NOP58: variants seen among roughly 807,000 people sequenced by gnomAD.
NOP58 encodes NOP58 ribonucleoprotein.
NOP58 carries 44 observed loss-of-function variants against 71.2 expected under a neutral mutation model. That is an observed-to-expected ratio of 0.62 (90% CI 0.49 to 0.79). The LOEUF is 0.79. Ranked by LOEUF, NOP58 falls within the 30% of genes least tolerant of loss-of-function variation. NOP58 has a pLI of 0.00. For missense variants in NOP58, 538 were observed against 620.2 expected, an observed-to-expected ratio of 0.87 and a Z score of 1.41; for synonymous variants, 228 against 200.3, an observed-to-expected ratio of 1.14 and a Z score of -1.17.
chr2:202,268,607 T>C (rs2105834673), intron 1 of NOP58, among the ~76,000 whole-genome samples: 1 of 151,552 alleles, frequency 6.6e-6, no homozygotes, highest in South Asian at 2.1e-4. Context: ...TTTTTGAAGT[T>C]TTTTGTTTTT....
At chr2:202,276,180 AAC>A (rs767893413) in intron 2 of NOP58, among the ~76,000 whole-genome samples, 17 of 151,926 alleles carry the variant, frequency 1.1e-4, no homozygotes, top group Non-Finnish European at 1.9e-4. Flanking sequence ...CTCTCCTAAA[AAC>A]ACAAAATTAG....
chr2:202,281,674 C>G (rs187147048), intron 3 of NOP58, among the ~76,000 whole-genome samples: 2 of 152,240 alleles, frequency 1.3e-5, no homozygotes, highest in Non-Finnish European at 2.9e-5. Flanking sequence ...ACCACCATGC[C>G]TGGGTAACCC....
intron 2 of NOP58, chr2:202,276,599 G>T: frequency 2.5e-6 from 1 of 396,940 alleles, no homozygotes; most frequent in Non-Finnish European, 5.3e-6. Context: ...CAGCATTTTG[G>T]GAGGCCAAGG....
chr2:202,291,287 G>T lies in NOP58; in HGVS notation c.780+17G>T. 1 of 1,587,712 alleles carries T rather than the reference G, an allele frequency of 6.3e-7. No homozygotes were observed. Among genetic ancestry groups the T allele is most frequent in the South Asian group, 1.2e-5 (1 of 85,742 alleles). On this transcript the variant is annotated intron_variant, in intron 8 of 14. Coordinates refer to ENST00000264279, the MANE Select transcript of NOP58 (RefSeq NM_015934.5). The stretch of plus-strand genomic sequence containing the variant: ...TGCACCCAGGTAAATTTTACTCCTG[G>T]AGAATCTAGTTGTGGTGTTACCAGC...
intron 3 of NOP58, chr2:202,278,347 A>G (rs1385817910): frequency 4.1e-6 from 2 of 482,012 alleles, no homozygotes; most frequent in African/African-American, 2.0e-5. Context: ...GGTCAAGTAT[A>G]CAGCTCTCTC....
chr2:202,287,318 G>A (rs1319785577), intron 5 of NOP58, among the ~76,000 whole-genome samples: 1 of 151,952 alleles, frequency 6.6e-6, no homozygotes, highest in African/African-American at 2.4e-5. Context: ...TGCCCACCTC[G>A]GCCTCCCAAA....
chr2:202,282,670 T>C (rs1688725511), intron 4 of NOP58, among the ~76,000 whole-genome samples, 198 bp downstream of exon 4: 1 of 152,158 alleles, frequency 6.6e-6, no homozygotes, highest in South Asian at 2.1e-4. Context: ...TTCTAGAAGA[T>C]ATAGAAGAAC....
Position 202,279,866 on chromosome 2 carries a change from T to C in NOP58, c.175+1864T>C, listed in dbSNP as rs1688671723. 1.3e-5 allele frequency among the ~76,000 whole-genome samples: 2 copies of C among 152,178 alleles called. 1 individual carries two copies. Among genetic ancestry groups the C allele is most frequent in the African/African-American group, 4.8e-5 (2 of 41,458 alleles). On this transcript the variant is annotated intron_variant, in intron 3 of 14. Transcript: ENST00000264279. ...ATAGTAGTTGAGAATTTAAAGTCAA[T>C]TCCCCCCAGTCTAAGCTCCATGAGG...
At chr2:202,272,214 C>T (rs1024106983) in intron 1 of NOP58, among the ~76,000 whole-genome samples, 2 of 141,472 alleles carry the variant, frequency 1.4e-5, no homozygotes, top group East Asian at 4.2e-4. Flanking sequence ...TGCAGTGGCG[C>T]GATCTCAGCT....
In NOP58 at chr2:202,293,250, A is replaced by G. The variant is rs1194808872; in HGVS notation, c.907+347A>G. Reference sequence around the variant, plus strand: ...ACTCACTAGACCTAGATTTGAATACAGTTTTAAGAAATCACTGTAGAGAAA... The same window carrying G: ...ACTCACTAGACCTAGATTTGAATACGGTTTTAAGAAATCACTGTAGAGAAA... On this transcript the variant is annotated intron_variant, in intron 9 of 14. Coordinates refer to ENST00000264279, the MANE Select transcript of NOP58 (RefSeq NM_015934.5). 1.0e-5 allele frequency: 4 copies of G among 394,140 alleles called. No individual in the cohort carries two copies. In the East Asian group the frequency reaches 2.6e-4, roughly 25 times the overall value. The allele number at this position is 394,140 out of a possible 1,614,324, so 24.4% of individuals were successfully genotyped here. A position where few individuals can be genotyped will look rare whatever the true frequency, so the allele number is the denominator to read the frequency against.
intron 1 of NOP58, among the ~76,000 whole-genome samples, chr2:202,271,338 C>T (rs1310512629): frequency 6.6e-6 from 1 of 150,768 alleles, no homozygotes; most frequent in African/African-American, 2.4e-5. Context: ...GGTAGATTGC[C>T]AGACCTCAGG....
intron 3 of NOP58, chr2:202,278,370 C>A: frequency 2.2e-6 from 1 of 455,028 alleles, no homozygotes; most frequent in East Asian, 6.9e-5. Flanking sequence ...CATTTTAATC[C>A]AAGGGTAGAG....
At chr2:202,277,295 A>G (rs951158221) in intron 2 of NOP58, among the ~76,000 whole-genome samples, 4 of 144,242 alleles carry the variant, frequency 2.8e-5, no homozygotes, top group African/African-American at 1.0e-4. Context: ...ACAGAGTGAG[A>G]CTCTGTCTCA....
Position 202,291,168 on chromosome 2 carries a change from G to T in NOP58, c.678G>T (p.Leu226=). 6.2e-7 allele frequency: 1 copy of T among 1,612,866 alleles called. No homozygotes were observed. The highest frequency in any genetic ancestry group is 8.5e-7 in the Non-Finnish European group (1 of 1,179,638). The change falls in exon 8 of 15, where the codon CTG becomes CTT. Residue 226 remains leucine, a synonymous_variant. Coordinates refer to ENST00000264279, the MANE Select transcript of NOP58 (RefSeq NM_015934.5). The part of the protein sequence containing the change: ...NYASAKLSEL[L]PEEVEAEVKA... ...CCTCTGCCAAGCTTTCTGAGTTGCT[G>T]CCAGAAGAAGTTGAAGCAGAAGTGA...
chr2:202,281,921 A>G (rs1353508796), intron 3 of NOP58, among the ~76,000 whole-genome samples: 1 of 152,218 alleles, frequency 6.6e-6, no homozygotes, highest in African/African-American at 2.4e-5. Context: ...CCTTCACTCA[A>G]ACATGTTTAT....
At chr2:202,274,208 A>G (rs1467020343) in intron 1 of NOP58, among the ~76,000 whole-genome samples, 1 of 152,044 alleles carries the variant, frequency 6.6e-6, no homozygotes, top group Admixed American at 6.6e-5. Flanking sequence ...TTGAAAGTAG[A>G]CAAAAGTTTT....
intron 11 of NOP58, 75 bp downstream of exon 11, chr2:202,297,588 C>G: frequency 7.0e-7 from 1 of 1,426,762 alleles, no homozygotes; most frequent in Admixed American, 2.0e-5. Flanking sequence ...TTATTAACTT[C>G]ATCTGCTAAA....
intron 4 of NOP58, among the ~76,000 whole-genome samples, chr2:202,283,720 T>A (rs1688745287): frequency 6.6e-6 from 1 of 151,912 alleles, no homozygotes; most frequent in Non-Finnish European, 1.5e-5. Context: ...ATTACAGGCG[T>A]GAGCCACCGC....
At chr2:202,289,557 C>G (rs1193671515) in intron 6 of NOP58, among the ~76,000 whole-genome samples, 3 of 152,186 alleles carry the variant, frequency 2.0e-5, no homozygotes, top group African/African-American at 7.2e-5. Flanking sequence ...TGCAAATACT[C>G]TGAAATACTT....
Sources: gnomAD v4.1 joint callset for allele counts (sites outside exome capture counted in the v4.1 genomes callset) on GRCh38, gnomAD v4.1.1 for gene constraint, MANE v1.5 for transcripts, NCBI Gene and HGNC (gene_info 2026-07-23, HGNC 2026-07-21) for gene names.